The following SPATA7 variants were observed in gnomAD, a reference collection of about 807,000 sequenced individuals.
SPATA7 encodes spermatogenesis associated 7.
In SPATA7, 43 loss-of-function variants were observed where a neutral mutation model predicts 51.8. The ratio of observed to expected loss-of-function variants is 0.83; its 90% CI spans 0.65 to 1.07. The LOEUF (loss-of-function observed/expected upper bound fraction) is 1.07. Ranked by LOEUF, SPATA7 falls within the 50% of genes least tolerant of loss-of-function variation. The pLI is 0.00. For synonymous variants in SPATA7, 230 were observed against 252.8 expected (o/e 0.91, Z 0.86); for missense variants, 683 against 701.3 (o/e 0.97, Z 0.30).
intron 10 of SPATA7, among the ~76,000 whole-genome samples, chr14:88,434,687 GAAAAAAAA>G (rs552414869): frequency 1.8e-5 from 1 of 56,966 alleles, no homozygotes; most frequent in African/African-American, 6.4e-5. Context: ...CTCTGTCTCA[GAAAAAAAA>G]AAAAAAAGAA....
At chr14:88,430,352 T>C (rs967088346) in intron 8 of SPATA7, among the ~76,000 whole-genome samples, 1 of 152,168 alleles carries the variant, frequency 6.6e-6, no homozygotes, top group African/African-American at 2.4e-5. Context: ...TATAACTTAT[T>C]ATTTATTAAT....
chr14:88,452,406 C>T (rs1264978910), intron 3 of SPATA7, among the ~76,000 whole-genome samples: 1 of 152,186 alleles, frequency 6.6e-6, no homozygotes, highest in African/African-American at 2.4e-5. Flanking sequence ...CGTTGGCCTC[C>T]AGCCAGGAGG....
At chr14:88,465,029 ACGTTTCTAAGGAAG>A (rs2077347138) in intron 4 of SPATA7, among the ~76,000 whole-genome samples, 1 of 152,262 alleles carries the variant, frequency 6.6e-6, no homozygotes, top group South Asian at 2.1e-4. Flanking sequence ...TGCTTTCTGG[ACGTTTCTAAGGAAG>A]CACAGGCCCA....
chr14:88,386,453 T>C (rs1487956622), intron 1 of SPATA7, among the ~76,000 whole-genome samples: 2 of 152,068 alleles, frequency 1.3e-5, no homozygotes, highest in African/African-American at 2.4e-5. Context: ...GTAGGTCCCT[T>C]GGGGGTGGCT....
intron 4 of SPATA7, among the ~76,000 whole-genome samples, chr14:88,460,692 G>T (rs2077311423): frequency 6.6e-6 from 1 of 152,180 alleles, no homozygotes; most frequent in Non-Finnish European, 1.5e-5. Context: ...ATCGTCTGAA[G>T]CCTTCTTCTC....
At chr14:88,470,297 A>T in exon 5 of SPATA7, 1 of 491,594 alleles carries the variant, frequency 2.0e-6, no homozygotes, top group Non-Finnish European at 3.6e-6. Context: ...CAACCTGTTT[A>T]ACCTTGCTGA....
chr14:88,411,626 G>T (rs1398398543), intron 4 of SPATA7, among the ~76,000 whole-genome samples: 2 of 152,032 alleles, frequency 1.3e-5, no homozygotes, highest in Non-Finnish European at 2.9e-5. Context: ...CTAGGGGAAG[G>T]AGTTCCCCTA....
intron 3 of SPATA7, among the ~76,000 whole-genome samples, chr14:88,454,478 A>G (rs1004055229): frequency 6.6e-6 from 1 of 152,190 alleles, no homozygotes; most frequent in Admixed American, 6.6e-5. Flanking sequence ...TATTCAGCCT[A>G]CCATGACTAT....
At position 88,461,185 on chromosome 14, in the gene SPATA7, G is replaced by A. The variant is rs150197027; in HGVS notation, c.255-8662G>A. ...ACCCACTTGAGGGGGCAGTCTGTCC[G>A]TTCTCAGATCTCAAACTCCTTTCTG... On this transcript the variant is annotated intron_variant, in intron 4 of 4. Coordinates refer to the SPATA7 transcript ENST00000556406. 2.8e-3 allele frequency among the ~76,000 whole-genome samples: 424 copies of A among 152,296 alleles called. 2 individuals carry two copies. The highest frequency in any genetic ancestry group is 9.4e-3 in the African/African-American group (389 of 41,580).
At chr14:88,468,283 G>T in intron 4 of SPATA7, 1 of 1,582,562 alleles carries the variant, frequency 6.3e-7, no homozygotes, top group African/African-American at 1.4e-5. Context: ...GAGAGAAACG[G>T]TAATGAAGAT....
At chr14:88,457,000 G>C (rs1480949741), downstream of SPATA7, among the ~76,000 whole-genome samples, 2 of 152,108 alleles carry the variant, frequency 1.3e-5, no homozygotes, top group African/African-American at 4.8e-5. Flanking sequence ...CCCATTTGTT[G>C]TTTTTGTCAG....
intron 4 of SPATA7, chr14:88,466,337 C>CATTA (rs1386399761): frequency 6.6e-6 from 1 of 151,982 alleles, no homozygotes; most frequent in African/African-American, 2.4e-5. Context: ...AATTAGTTTT[C>CATTA]ATTAATATCT....
At chr14:88,455,002 C>T (rs74072607) in intron 3 of SPATA7, 7,263 of 451,520 alleles carry the variant, frequency 0.016, 431 homozygotes, top group African/African-American at 0.13. Flanking sequence ...ATCCCCATAG[C>T]TTCTGACTCA....
In SPATA7 at chr14:88,438,313, C is replaced by G. The variant is rs1379615692; in HGVS notation, c.1691C>G (p.Ser564Cys). 2 of 1,614,000 alleles carry G rather than the reference C, an allele frequency of 1.2e-6. No individual in the cohort carries two copies. The highest frequency in any genetic ancestry group is 3.3e-5 in the Admixed American group (2 of 60,014). Residue 564 changes from serine to cysteine, a missense_variant, in exon 12 of 12, where the codon TCC (serine) becomes TGC (cysteine). Coordinates refer to ENST00000393545, the MANE Select transcript of SPATA7 (RefSeq NM_018418.5). ...TTATGTGGTCTTAACACATCACCCT[C>G]CCAATCTGTTCAGTTCTCCAGTGTC... is the stretch of plus-strand genomic sequence containing the variant. ...NGLCGLNTSP[S>C]QSVQFSSVKG... is the part of the protein sequence containing the mutation.
In SPATA7 at chr14:88,469,480, C is replaced by A. The variant is rs1468608286; in HGVS notation, c.255-367C>A. 6.3e-7 allele frequency: 1 copy of A among 1,585,116 alleles called. No individual in the cohort carries two copies. Among genetic ancestry groups the A allele is most frequent in the East Asian group, 2.2e-5 (1 of 44,758 alleles). Reference sequence around the variant, plus strand: ...CCTCCAGAGGCAGCTGTCCTCGGAACAAAGTTAAAGTCACTCACATAAAAA... The same window carrying A: ...CCTCCAGAGGCAGCTGTCCTCGGAAAAAAGTTAAAGTCACTCACATAAAAA... On this transcript the variant is annotated intron_variant, in intron 4 of 4. Coordinates refer to the SPATA7 transcript ENST00000556406. This position sits in a 1 kb window ranked among gnomAD's most constrained non-coding sequence, Gnocchi z 4.3.
At chr14:88,470,275 A>G (rs187094941) in exon 5 of SPATA7, 3 of 548,078 alleles carry the variant, frequency 5.5e-6, no homozygotes, top group Admixed American at 3.2e-5. Context: ...GTGAATATAC[A>G]TAATATCTAT....
chr14:88,443,850 G>C (rs929597385), intron 3 of SPATA7, among the ~76,000 whole-genome samples: 21 of 152,160 alleles, frequency 1.4e-4, no homozygotes, highest in Non-Finnish European at 2.5e-4. Context: ...TGCATGGTGT[G>C]TATGTGCCAC....
chr14:88,467,988 C>G, intron 4 of SPATA7: 4 of 1,008,032 alleles, frequency 4.0e-6, no homozygotes, highest in Non-Finnish European at 6.1e-6. Context: ...ACGTTTCCTT[C>G]AGCGTGCCGC....
At position 88,435,701 on chromosome 14, in the gene SPATA7, C is replaced by G. The variant is rs142317029; in HGVS notation, c.1161-1842C>G. ...GCAATGTTTGTCTTTCTGTGCCAGG[C>G]TCATTTCACTTAATATAATGATCTC... On this transcript the variant is annotated intron_variant, in intron 10 of 11. Coordinates refer to ENST00000393545, the MANE Select transcript of SPATA7 (RefSeq NM_018418.5). Among the ~76,000 whole-genome samples, 185 of 152,234 alleles carry G rather than the reference C, an allele frequency of 1.2e-3. 1 individual carries two copies. Among genetic ancestry groups the G allele is most frequent in the African/African-American group, 4.3e-3 (178 of 41,562 alleles).
Sources: allele counts gnomAD v4.1 joint callset (sites outside exome capture counted in the v4.1 genomes callset), GRCh38; gene constraint gnomAD v4.1.1; non-coding constraint Gnocchi (gnomAD v3.1); transcripts MANE v1.5; gene names NCBI Gene and HGNC (gene_info 2026-07-23, HGNC 2026-07-21).